Variants in EFNA5 observed in about 807,000 individuals in gnomAD.
The protein encoded by EFNA5 is ephrin A5.
EFNA5 carries 5 observed loss-of-function variants against 22.9 expected under a neutral mutation model. The observed-to-expected ratio is 0.22, with a 90% CI of 0.11 to 0.46. The LOEUF is 0.46. Ranked by LOEUF, EFNA5 falls within the 20% of genes least tolerant of loss-of-function variation. The pLI, the probability that EFNA5 is intolerant of heterozygous loss-of-function variation, is 0.99. For synonymous variants in EFNA5, 113 were observed against 112.2 expected (o/e 1.01, Z -0.04); for missense variants, 237 against 293.3 (o/e 0.81, Z 1.40).
chr5:107,511,002 TTGTGTGTGTGTG>T (rs71644591), intron 1 of EFNA5, among the ~76,000 whole-genome samples: 19 of 140,402 alleles, frequency 1.4e-4, no homozygotes, highest in Admixed American at 4.3e-4. Context: ...TTCTTTTTCT[TTGTGTGTGTGTG>T]TGTGTGTGTG....
At chr5:107,669,079 G>A (rs1324971894) in intron 1 of EFNA5, among the ~76,000 whole-genome samples, 1 of 152,000 alleles carries the variant, frequency 6.6e-6, no homozygotes, top group East Asian at 1.9e-4. Flanking sequence ...TGTAACCGGC[G>A]GACTGCTTGT....
chr5:107,464,993 A>T (rs1490506747), intron 1 of EFNA5, among the ~76,000 whole-genome samples: 4 of 151,454 alleles, frequency 2.6e-5, no homozygotes, highest in Non-Finnish European at 5.9e-5. Context: ...TGAGACCAGC[A>T]CTGAGCTCAC....
At chr5:107,469,609 C>T (rs1750084533) in intron 1 of EFNA5, among the ~76,000 whole-genome samples, 1 of 152,000 alleles carries the variant, frequency 6.6e-6, no homozygotes, top group Non-Finnish European at 1.5e-5. Context: ...ATGTGTCTTT[C>T]AACACTCAAA....
At chr5:107,577,486 G>A (rs1173287692) in intron 1 of EFNA5, among the ~76,000 whole-genome samples, 6 of 152,116 alleles carry the variant, frequency 3.9e-5, no homozygotes, top group South Asian at 4.1e-4. Context: ...AAGGCAGGCC[G>A]AAACGGGAAA....
chr5:107,623,573 T>C (rs1395894087), intron 1 of EFNA5, among the ~76,000 whole-genome samples: 1 of 152,164 alleles, frequency 6.6e-6, no homozygotes, highest in Non-Finnish European at 1.5e-5. Flanking sequence ...ACATTAAACA[T>C]AACTTTCCAT....
chr5:107,447,138 G>C (rs1749419464), intron 1 of EFNA5, among the ~76,000 whole-genome samples: 1 of 152,266 alleles, frequency 6.6e-6, no homozygotes. Context: ...GTTTTTATGA[G>C]AAAGGGGCCT....
intron 1 of EFNA5, among the ~76,000 whole-genome samples, chr5:107,587,579 C>T (rs541746661): frequency 2.6e-5 from 4 of 152,232 alleles, no homozygotes; most frequent in Admixed American, 6.5e-5. Context: ...TACAGTGGCG[C>T]GATCTTGGCT....
In EFNA5 at chr5:107,585,628, C is replaced by A. The variant is rs532424357; in HGVS notation, c.125+84861G>T. On this transcript the variant is annotated intron_variant, in intron 1 of 4. Transcript: ENST00000333274. Reference sequence around the variant, plus strand: ...CCAAATTATTAGGCCAGATACTACACCCACTATCCAACAGGTGAAGGTAAC... The same window carrying A: ...CCAAATTATTAGGCCAGATACTACAACCACTATCCAACAGGTGAAGGTAAC... Among the ~76,000 whole-genome samples, 6 of 152,298 alleles carry A rather than the reference C, an allele frequency of 3.9e-5. No homozygotes were observed. In the South Asian group the frequency reaches 1.2e-3, roughly 32 times the overall value.
At chr5:107,425,546 GA>G (rs373962914) in intron 2 of EFNA5, among the ~76,000 whole-genome samples, 1 of 152,292 alleles carries the variant, frequency 6.6e-6, no homozygotes, top group African/African-American at 2.4e-5. Flanking sequence ...CATGCTGCCT[GA>G]GAAGTGTGAA....
chr5:107,662,566 C>A (rs1750984429), intron 1 of EFNA5, among the ~76,000 whole-genome samples: 1 of 152,070 alleles, frequency 6.6e-6, no homozygotes, highest in African/African-American at 2.4e-5. Flanking sequence ...AGTTGATATA[C>A]TCTCATAATT....
intron 1 of EFNA5, among the ~76,000 whole-genome samples, chr5:107,601,019 G>A (rs1561446069): frequency 6.6e-6 from 1 of 152,044 alleles, no homozygotes. Flanking sequence ...CTTCAAACCT[G>A]GTAAATGTGA....
At chr5:107,537,224 T>C (rs985328275) in intron 1 of EFNA5, among the ~76,000 whole-genome samples, 19 of 152,166 alleles carry the variant, frequency 1.2e-4, no homozygotes, top group African/African-American at 4.1e-4. Context: ...CTGGGTGTGG[T>C]GGCTCATACC....
chr5:107,614,487 C>T (rs1463252544), intron 1 of EFNA5, among the ~76,000 whole-genome samples: 4 of 152,058 alleles, frequency 2.6e-5, no homozygotes. Context: ...TATGAGATAA[C>T]ACTCAGCTTT....
Position 107,400,707 on chromosome 5 carries a change from T to C in EFNA5, c.419-12936A>G, listed in dbSNP as rs925215736. Among the ~76,000 whole-genome samples the C allele has an allele frequency of 3.9e-5, 6 of 152,176 alleles. 1 individual carries two copies. In the South Asian group the frequency reaches 6.2e-4, roughly 16 times the overall value. On this transcript the variant is annotated intron_variant, in intron 2 of 4. Coordinates refer to ENST00000333274, the MANE Select transcript of EFNA5 (RefSeq NM_001962.3). ...AACAGAAAACTGAATTAGCCAGAAATATTCAAGGTTATATATTACAAAAAA... is the reference window on the plus strand; with the variant it reads ...AACAGAAAACTGAATTAGCCAGAAACATTCAAGGTTATATATTACAAAAAA...
intron 1 of EFNA5, among the ~76,000 whole-genome samples, chr5:107,583,345 T>A (rs34273069): frequency 0.27 from 41,448 of 152,134 alleles, 5,981 homozygotes; most frequent in Middle Eastern, 0.35. Context: ...CAGACTGAAG[T>A]ACCTGGAAAA....
chr5:107,459,141 C>A (rs1262563900), intron 1 of EFNA5, among the ~76,000 whole-genome samples: 5 of 152,052 alleles, frequency 3.3e-5, no homozygotes, highest in Non-Finnish European at 7.4e-5. Flanking sequence ...CGCCTGTAAT[C>A]CCAGCACTTT....
At chr5:107,535,153 T>C (rs982953826) in intron 1 of EFNA5, among the ~76,000 whole-genome samples, 1 of 151,926 alleles carries the variant, frequency 6.6e-6, no homozygotes, top group Non-Finnish European at 1.5e-5. Context: ...AATGGCAGAG[T>C]GGCATTCAAC....
At chr5:107,478,671 GA>G (rs1750374102) in intron 1 of EFNA5, among the ~76,000 whole-genome samples, 1 of 152,176 alleles carries the variant, frequency 6.6e-6, no homozygotes, top group African/African-American at 2.4e-5. Context: ...GGCAAAGGAA[GA>G]AACGTACCAA....
rs200000033 is a variant in EFNA5 at position 107,507,764 on chromosome 5, G to A, written c.126-80255C>T. Among the ~76,000 whole-genome samples the A allele has an allele frequency of 1.2e-4, 19 of 152,284 alleles. No homozygotes were observed. The East Asian group carries it at 3.5e-3, about 28-fold the overall frequency. ...AGGTGGGAGAATCACTTGAACCCAG[G>A]AGGTCGTATTTTGGATATGCTGAAT... On this transcript the variant is annotated intron_variant, in intron 1 of 4. Transcript: ENST00000333274.
Sources: gnomAD v4.1 joint callset for allele counts (sites outside exome capture counted in the v4.1 genomes callset) on GRCh38, gnomAD v4.1.1 for gene constraint, MANE v1.5 for transcripts, NCBI Gene and HGNC (gene_info 2026-07-23, HGNC 2026-07-21) for gene names.